RAB43: variants seen among roughly 807,000 people sequenced by gnomAD.
The protein encoded by RAB43 is ras-related protein Rab-43.
A neutral mutation model predicts 18.8 loss-of-function variants in RAB43; 6 were observed. The ratio of observed to expected loss-of-function variants is 0.32; its 90% CI spans 0.17 to 0.63. The LOEUF (loss-of-function observed/expected upper bound fraction) is 0.63, where lower values mean the gene tolerates loss of function less well. Among genes scored for constraint, RAB43 ranks in the 30% least tolerant of loss-of-function variants. The pLI is 0.79. For missense variants in RAB43, 195 were observed against 289.1 expected (o/e 0.67, Z 2.36); for synonymous variants, 103 against 124.1 (o/e 0.83, Z 1.13).
intron 1 of RAB43, among the ~76,000 whole-genome samples, chr3:129,108,300 A>G (rs1487553064): frequency 6.6e-6 from 1 of 152,240 alleles, no homozygotes; most frequent in Non-Finnish European, 1.5e-5. Flanking sequence ...TTCCAGGAAC[A>G]GCCCTGACTG....
chr3:129,114,158 C>A (rs1429550055), intron 1 of RAB43, among the ~76,000 whole-genome samples: 3 of 152,164 alleles, frequency 2.0e-5, no homozygotes, highest in Admixed American at 6.5e-5. Flanking sequence ...TTCACACTGG[C>A]CATTCCGAAC....
intron 2 of RAB43, 26 bp from the exon 3 acceptor site, chr3:129,091,372 G>T: frequency 1.9e-6 from 3 of 1,597,612 alleles, no homozygotes; most frequent in Admixed American, 1.7e-5. Flanking sequence ...GGGGCAGCAT[G>T]AGGCCATGGG....
At chr3:129,093,947 G>C (rs1933846614) in intron 2 of RAB43, among the ~76,000 whole-genome samples, 2 of 152,200 alleles carry the variant, frequency 1.3e-5, no homozygotes. Flanking sequence ...TCAAAAAAAA[G>C]AATCAACCTG....
rs908507385 is a variant in RAB43, at chr3:129,114,036, GA to G, written c.204+7249del. The stretch of plus-strand genomic sequence containing the variant: ...GACAGAGCGAGACTCCGTCTCGAAA[GA>G]AAAAAAAAAGAAAGATCTGGTATGT... On this transcript the variant is annotated intron_variant, in intron 1 of 2. Transcript: ENST00000315150. Among the ~76,000 whole-genome samples, 5 of 147,350 alleles carry G rather than the reference GA, an allele frequency of 3.4e-5. 1 individual carries two copies. The highest frequency in any genetic ancestry group is 4.3e-4 in the South Asian group (2 of 4,634).
chr3:129,120,642 G>C (rs1935842044), intron 1 of RAB43, among the ~76,000 whole-genome samples: 1 of 152,170 alleles, frequency 6.6e-6, no homozygotes, highest in Non-Finnish European at 1.5e-5. Flanking sequence ...CCCACCTTCC[G>C]GTATCTGTGA....
Position 129,121,462 on chromosome 3 carries a change from C to A in RAB43, c.28G>T (p.Asp10Tyr). 6.2e-7 allele frequency: 1 copy of A among 1,612,326 alleles called. No individual in the cohort carries two copies. Among genetic ancestry groups the A allele is most frequent in the South Asian group, 1.1e-5 (1 of 90,844 alleles). MAGPGPGPGDPDEQYDFLFK... is the reference protein window; with the variant it reads MAGPGPGPGYPDEQYDFLFK... ...AGGAAATCGTACTGCTCGTCCGGGT[C>A]CCCCGGGCCTGGGCCCGGCCCTGCC... Residue 10 changes from aspartate to tyrosine, a missense_variant, in exon 1 of 3, where the codon GAC (aspartate) becomes TAC (tyrosine). Physicochemically the swap from Asp to Tyr is radical, Grantham distance 160 (BLOSUM62 -3). Coordinates refer to ENST00000315150, the MANE Select transcript of RAB43 (RefSeq NM_198490.3).
intron 1 of RAB43, among the ~76,000 whole-genome samples, chr3:129,119,733 C>A (rs1229789318): frequency 6.6e-6 from 1 of 152,300 alleles, no homozygotes; most frequent in African/African-American, 2.4e-5. Context: ...ATAACCCGTG[C>A]GCAGTAAACC....
intron 2 of RAB43, among the ~76,000 whole-genome samples, 187 bp downstream of exon 2, chr3:129,094,799 G>C (rs142203873): frequency 0.012 from 1,850 of 152,174 alleles, 21 homozygotes; most frequent in Non-Finnish European, 0.018. Context: ...CTACAGGCGT[G>C]AGCCACCGTG....
At chr3:129,113,952 G>A (rs1230832796) in intron 1 of RAB43, among the ~76,000 whole-genome samples, 2 of 152,162 alleles carry the variant, frequency 1.3e-5, no homozygotes, top group African/African-American at 4.8e-5. Context: ...GCTTGAACCA[G>A]GGAGGTGGAG....
intron 1 of RAB43, among the ~76,000 whole-genome samples, chr3:129,101,318 G>GCTGTGTA (rs2107997208): frequency 6.6e-6 from 1 of 152,270 alleles, no homozygotes; most frequent in African/African-American, 2.4e-5. Context: ...AACATACTAG[G>GCTGTGTA]CTGTGTACAT....
At chr3:129,102,900 A>T (rs76048183) in intron 1 of RAB43, among the ~76,000 whole-genome samples, 5,234 of 152,220 alleles carry the variant, frequency 0.034, 207 homozygotes, top group East Asian at 0.11. Context: ...CTTTTGAAAC[A>T]GGCAGGTGAC....
chr3:129,109,354 G>C (rs906408910), intron 1 of RAB43, among the ~76,000 whole-genome samples: 1 of 150,802 alleles, frequency 6.6e-6, no homozygotes, highest in African/African-American at 2.4e-5. Context: ...AGCTTGCAGT[G>C]AGCCGAGGTT....
chr3:129,104,893 C>G (rs1038491385), intron 1 of RAB43, among the ~76,000 whole-genome samples: 1 of 152,206 alleles, frequency 6.6e-6, no homozygotes, highest in African/African-American at 2.4e-5. Flanking sequence ...GTTCAAAAGT[C>G]TCTCATTTTC....
chr3:129,094,923 G>A, intron 2 of RAB43, 63 bp downstream of exon 2: 1 of 1,561,248 alleles, frequency 6.4e-7, no homozygotes, highest in Non-Finnish European at 8.7e-7. Context: ...TGTTTAAAAA[G>A]CAGAGGGAGG....
chr3:129,105,250 C>G (rs1159209231), intron 1 of RAB43, among the ~76,000 whole-genome samples: 1 of 152,202 alleles, frequency 6.6e-6, no homozygotes, highest in East Asian at 1.9e-4. Context: ...GCCAGCAGTT[C>G]AAGACCAGCC....
At chr3:129,106,592 C>G (rs1405296413) in intron 1 of RAB43, among the ~76,000 whole-genome samples, 2 of 152,170 alleles carry the variant, frequency 1.3e-5, no homozygotes, top group African/African-American at 4.8e-5. Flanking sequence ...ACCATCTGGC[C>G]AGACAGGTGG....
At chr3:129,117,294 C>T (rs1935605951) in intron 1 of RAB43, among the ~76,000 whole-genome samples, 1 of 152,098 alleles carries the variant, frequency 6.6e-6, no homozygotes, top group Admixed American at 6.5e-5. Context: ...ACCATTAGTC[C>T]CATTTCACAG....
chr3:129,121,618 T>C lies in RAB43; in HGVS notation c.-129A>G. The C allele has an allele frequency of 1.4e-6, 1 of 719,206 alleles. No homozygotes were observed. Among genetic ancestry groups the C allele is most frequent in the South Asian group, 2.0e-5 (1 of 50,138 alleles). The allele number at this position is 719,206 out of a possible 1,614,324, so 44.6% of individuals were successfully genotyped here. ...GGCTACGTGGAGCCGCCGCAACACCTGAACCCCCAGCACTGCCGACCGCCT... is the reference window on the plus strand; with the variant it reads ...GGCTACGTGGAGCCGCCGCAACACCCGAACCCCCAGCACTGCCGACCGCCT... On this transcript the variant is annotated 5_prime_UTR_variant, in exon 1 of 3. Transcript: ENST00000315150.
At chr3:129,098,752 A>T (rs112366273) in intron 1 of RAB43, among the ~76,000 whole-genome samples, 1 of 152,220 alleles carries the variant, frequency 6.6e-6, no homozygotes, top group Admixed American at 6.5e-5. Context: ...CTTAAAACAT[A>T]AATGTTTTAT....
Sources: allele counts gnomAD v4.1 joint callset (sites outside exome capture counted in the v4.1 genomes callset), GRCh38; gene constraint gnomAD v4.1.1; transcripts MANE v1.5; gene names NCBI Gene and HGNC (gene_info 2026-07-23, HGNC 2026-07-21).